The following SQSTM1 variants were observed in gnomAD, a reference collection of about 807,000 sequenced individuals.
The protein encoded by SQSTM1 is sequestosome-1.
A neutral mutation model predicts 45.1 loss-of-function variants in SQSTM1; 36 were observed. The observed-to-expected ratio is 0.80, with a 90% CI of 0.61 to 1.05. SQSTM1 has a LOEUF of 1.05. Ranked by LOEUF, SQSTM1 falls within the 50% of genes least tolerant of loss-of-function variation. The pLI, the probability that SQSTM1 is intolerant of heterozygous loss-of-function variation, is 0.00. For missense variants in SQSTM1, 617 were observed against 607.1 expected (o/e 1.02, Z -0.17); for synonymous variants, 290 against 244.3 (o/e 1.19, Z -1.74).
At chr5:179,820,128 C>T, upstream of SQSTM1, 1 of 152,910 alleles carries the variant, frequency 6.5e-6, no homozygotes, top group Non-Finnish European at 1.5e-5. Flanking sequence ...GGCTGACCCC[C>T]TTGGCTGCCC....
At chr5:179,833,502 C>T (rs1310495381) in intron 6 of SQSTM1, 85 bp from the exon 7 acceptor site, 22 of 1,464,640 alleles carry the variant, frequency 1.5e-5, no homozygotes, top group Middle Eastern at 1.7e-4. Flanking sequence ...GCGTGCTCCC[C>T]GACTGTCTGC....
chr5:179,833,086 C>G lies in SQSTM1; in HGVS notation c.809C>G (p.Pro270Arg), dbSNP rs1758317143. Reference sequence around the variant, plus strand: ...GGAGGGAAAAGAAGCCGCCTGACCCCCGTCTCTCCAGAGAGTTCCAGCACA... The same window carrying G: ...GGAGGGAAAAGAAGCCGCCTGACCCGCGTCTCTCCAGAGAGTTCCAGCACA... ...EHGGKRSRLT[P>R]VSPESSSTEE... The change falls in exon 6 of 8, where the codon CCC (proline) becomes CGC (arginine). Residue 270 changes from proline to arginine, a missense_variant. Coordinates refer to ENST00000389805, the MANE Select transcript of SQSTM1 (RefSeq NM_003900.5). The G allele has an allele frequency of 6.2e-7, 1 of 1,614,212 alleles. No individual in the cohort carries two copies. The highest frequency in any genetic ancestry group is 1.7e-5 in the Admixed American group (1 of 60,030).
intron 1 of SQSTM1, 193 bp from the exon 2 acceptor site, chr5:179,822,764 GA>G: frequency 1.5e-6 from 1 of 666,694 alleles, no homozygotes; most frequent in South Asian, 1.5e-5. Context: ...GCCCAGGTCG[GA>G]GCACTCACCT....
At chr5:179,811,963 C>G (rs924001461) in intron 2 of SQSTM1, 8 of 152,182 alleles carry the variant, frequency 5.3e-5, no homozygotes, top group African/African-American at 1.9e-4. Context: ...CGCCACCACG[C>G]CCGGCTGATT....
At chr5:179,828,058 G>A (rs1008817121) in intron 5 of SQSTM1, among the ~76,000 whole-genome samples, 7 of 152,194 alleles carry the variant, frequency 4.6e-5, no homozygotes, top group Non-Finnish European at 8.8e-5. Flanking sequence ...AAACCGACAC[G>A]CAGAGGCTTT....
At chr5:179,832,994 G>GGA in intron 5 of SQSTM1, 38 bp from the exon 6 acceptor site, 2 of 1,609,572 alleles carry the variant, frequency 1.2e-6, no homozygotes, top group African/African-American at 1.3e-5. Flanking sequence ...CATCCTTGGG[G>GGA]GAACTTCACG....
chr5:179,826,820 C>T (rs1196326219), intron 5 of SQSTM1, among the ~76,000 whole-genome samples: 7 of 150,130 alleles, frequency 4.7e-5, no homozygotes, highest in African/African-American at 7.4e-5. Flanking sequence ...AGGCTGATCT[C>T]GACACCTGCC....
Position 179,837,279 on chromosome 5 carries a change from T to TG in SQSTM1, c.*686_*687insG, listed in dbSNP as rs1188922162. 3.1e-6 allele frequency: 5 copies of TG among 1,607,118 alleles called. No individual in the cohort carries two copies. In the Admixed American group the frequency reaches 5.1e-5, roughly 16 times the overall value. ...ATGACGTTTGCATAGAGAGAAATGA[T>TG]TGACAGTAAGTTTATTGTTAATGGT... On this transcript the variant is annotated 3_prime_UTR_variant, in exon 8 of 8. Coordinates refer to ENST00000389805, the MANE Select transcript of SQSTM1 (RefSeq NM_003900.5).
intron 1 of SQSTM1, chr5:179,807,717 A>G (rs1320944786): frequency 1.3e-5 from 2 of 152,234 alleles, no homozygotes; most frequent in South Asian, 2.1e-4. Flanking sequence ...CAGTGGCGCA[A>G]TCTCGGCTCA....
chr5:179,837,412 T>C lies in SQSTM1; in HGVS notation c.*819T>C, dbSNP rs758847992. ...CAGATCACACATCATCATCGAAGTCTTCCCCAGTTATAAAGAGGTCACATA... is the reference window on the plus strand; with the variant it reads ...CAGATCACACATCATCATCGAAGTCCTCCCCAGTTATAAAGAGGTCACATA... On this transcript the variant is annotated 3_prime_UTR_variant, in exon 8 of 8. Coordinates refer to ENST00000389805, the MANE Select transcript of SQSTM1 (RefSeq NM_003900.5). The C allele has an allele frequency of 1.9e-6, 3 of 1,596,126 alleles. No homozygotes were observed. Among genetic ancestry groups the C allele is most frequent in the Non-Finnish European group, 2.6e-6 (3 of 1,169,348 alleles).
rs11548640 is a variant in SQSTM1 at position 179,823,928 on chromosome 5, C to T, written c.372C>T (p.Pro124=). The stretch of plus-strand genomic sequence containing the variant: ...AGGCGCCCCGCAACATGGTGCACCC[C>T]AATGTGATCTGCGATGGCTGCAATG... ...AQEAPRNMVH[P]NVICDGCNGP... Residue 124 remains proline (P), a synonymous_variant, in exon 3 of 8, where the codon CCC becomes CCT. Transcript: ENST00000389805. 149 of 1,613,924 alleles carry T rather than the reference C, an allele frequency of 9.2e-5. No individual in the cohort carries two copies. In the African/African-American group the frequency reaches 1.6e-3, roughly 17 times the overall value.
Position 179,823,128 on chromosome 5 carries a change from C to T in SQSTM1, c.301+75C>T, listed in dbSNP as rs1297603885. The T allele has an allele frequency of 2.2e-6, 3 of 1,368,182 alleles. No homozygotes were observed. In the African/African-American group the frequency reaches 4.3e-5, roughly 20 times the overall value. 84.8% of individuals were successfully genotyped at this position (1,368,182 alleles called of 1,614,324 possible). On this transcript the variant is annotated intron_variant, in intron 2 of 7. Transcript: ENST00000389805. Reference sequence around the variant, plus strand: ...GTTCCCTGCTGAGTAAAAAACAGGGCTCGATGTTCCACCAATGAAGGGGTC... The same window carrying T: ...GTTCCCTGCTGAGTAAAAAACAGGGTTCGATGTTCCACCAATGAAGGGGTC...
chr5:179,834,388 G>A (rs1252368270), intron 7 of SQSTM1, among the ~76,000 whole-genome samples: 1 of 151,446 alleles, frequency 6.6e-6, no homozygotes, highest in Non-Finnish European at 1.5e-5. Context: ...ATGGCCTATG[G>A]GCCAAGAGTA....
At chr5:179,823,826 C>T in intron 2 of SQSTM1, 32 bp from the exon 3 acceptor site, 1 of 1,603,604 alleles carries the variant, frequency 6.2e-7, no homozygotes, top group East Asian at 2.2e-5. Flanking sequence ...TAGGGGGTCC[C>T]ACCCTAGCGG....
chr5:179,836,806 TC>T lies in SQSTM1; in HGVS notation c.*215del, dbSNP rs1266493714. ...GCTGATGTTTCCTGGGTGCCCTGGC[TC>T]CTTGCAGCAGGGCTGGGCCTGCGAG... On this transcript the variant is annotated 3_prime_UTR_variant, in exon 8 of 8. Transcript: ENST00000389805. 21 of 762,592 alleles carry T rather than the reference TC, an allele frequency of 2.8e-5. No individual in the cohort carries two copies. In the East Asian group the frequency reaches 5.6e-4, roughly 20 times the overall value. 47.2% of individuals were successfully genotyped at this position (762,592 alleles called of 1,614,324 possible). A position where few individuals can be genotyped will look rare whatever the true frequency, so the allele number is the denominator to read the frequency against.
chr5:179,813,916 C>T (rs1276048439), upstream of SQSTM1, among the ~76,000 whole-genome samples: 1 of 152,196 alleles, frequency 6.6e-6, no homozygotes. Flanking sequence ...TATTATCTTT[C>T]CTAGAAGTCC....
intron 2 of SQSTM1, chr5:179,811,843 C>G (rs1007042777): frequency 2.6e-5 from 4 of 152,288 alleles, no homozygotes; most frequent in African/African-American, 7.2e-5. Flanking sequence ...GGTTCTCTGT[C>G]GCCCAGGCTG....
chr5:179,821,304 G>T (rs1202962496), intron 1 of SQSTM1, among the ~76,000 whole-genome samples, 163 bp downstream of exon 1: 2 of 152,214 alleles, frequency 1.3e-5, no homozygotes, highest in African/African-American at 2.4e-5. Context: ...CCCCAGTTCG[G>T]CCATGGGAGC....
chr5:179,821,227 C>T, intron 1 of SQSTM1, 86 bp downstream of exon 1: 1 of 1,231,324 alleles, frequency 8.1e-7, no homozygotes, highest in Non-Finnish European at 1.0e-6. Context: ...CCCTTCTCGG[C>T]GACGCCTGGC....
Sources: gnomAD v4.1 joint callset for allele counts (sites outside exome capture counted in the v4.1 genomes callset) on GRCh38, gnomAD v4.1.1 for gene constraint, MANE v1.5 for transcripts, NCBI Gene and HGNC (gene_info 2026-07-23, HGNC 2026-07-21) for gene names.